SLIT2: variants seen among roughly 807,000 people sequenced by gnomAD.
SLIT2 encodes slit guidance ligand 2, also known as slit homolog 2 protein.
Under a neutral mutation model 185.7 loss-of-function variants are expected in SLIT2, and 41 were observed. The observed-to-expected ratio is 0.22, with a 90% CI of 0.17 to 0.29. SLIT2 has a LOEUF of 0.29. Among genes scored for constraint, SLIT2 ranks in the 10% least tolerant of loss-of-function variants. The pLI, the probability that SLIT2 is intolerant of heterozygous loss-of-function variation, is 1.00. For missense variants in SLIT2, 1,571 were observed against 1,909.0 expected, an observed-to-expected ratio of 0.82 and a Z score of 3.30; for synonymous variants, 693 against 680.2, an observed-to-expected ratio of 1.02 and a Z score of -0.29.
intron 8 of SLIT2, among the ~76,000 whole-genome samples, chr4:20,489,663 A>T (rs568156263): frequency 6.6e-6 from 1 of 152,220 alleles, no homozygotes; most frequent in African/African-American, 2.4e-5. Flanking sequence ...GCATGCCTGT[A>T]ATTCTAGCTA....
intron 11 of SLIT2, among the ~76,000 whole-genome samples, chr4:20,518,651 C>T (rs1287426845): frequency 2.2e-5 from 2 of 92,384 alleles, no homozygotes; most frequent in Non-Finnish European, 3.9e-5. Flanking sequence ...GTCGCCCAGG[C>T]TGGAGTGCAG....
chr4:20,506,726 T>C (rs1262169123), intron 9 of SLIT2, among the ~76,000 whole-genome samples: 1 of 152,030 alleles, frequency 6.6e-6, no homozygotes, highest in East Asian at 1.9e-4. Context: ...CACATTAGTT[T>C]ATTGTTTCTC....
At chr4:20,469,051 A>T (rs1266827987) in intron 5 of SLIT2, among the ~76,000 whole-genome samples, 1 of 152,164 alleles carries the variant, frequency 6.6e-6, no homozygotes, top group African/African-American at 2.4e-5. Context: ...CATTAAAACT[A>T]TGGCTGTAAG....
intron 29 of SLIT2, among the ~76,000 whole-genome samples, chr4:20,579,078 G>A (rs888206277): frequency 3.3e-5 from 5 of 151,900 alleles, no homozygotes; most frequent in African/African-American, 1.2e-4. Context: ...GGTGGATCAC[G>A]AGGTCAGGAG....
In SLIT2 at chr4:20,405,931, G is replaced by C. The variant is rs191199509; in HGVS notation, c.396-61821G>C. ...AATATTCACAAACATTACCTTGGCT[G>C]TTCTTGGTCTTCTTACAATTAGTAA... On this transcript the variant is annotated intron_variant, in intron 4 of 36. Coordinates refer to ENST00000504154, the MANE Select transcript of SLIT2 (RefSeq NM_004787.4). Among the ~76,000 whole-genome samples, 127 of 107,464 alleles carry C rather than the reference G, an allele frequency of 1.2e-3. 5 individuals are homozygous for C. Among genetic ancestry groups the C allele is most frequent in the African/African-American group, 3.1e-3 (118 of 38,450 alleles). The allele number at this position is 107,464 out of a possible 152,430, so 70.5% of individuals were successfully genotyped here. A position where few individuals can be genotyped will look rare whatever the true frequency, so the allele number is the denominator to read the frequency against.
Position 20,618,914 on chromosome 4 carries a change from C to A in SLIT2, c.4495C>A (p.Arg1499=). 3 of 1,614,034 alleles carry A rather than the reference C, an allele frequency of 1.9e-6. No homozygotes were observed. Among genetic ancestry groups the A allele is most frequent in the Non-Finnish European group, 2.5e-6 (3 of 1,180,010 alleles). ...GTGCTGTGGACCGCTGAGGAGCAAGCGGCGGAAATACTCTTTCGAATGCAC... is the reference window on the plus strand; with the variant it reads ...GTGCTGTGGACCGCTGAGGAGCAAGAGGCGGAAATACTCTTTCGAATGCAC... ...GQCCGPLRSK[R]RKYSFECTDG... Residue 1499 remains arginine, a synonymous_variant, in exon 37 of 37, where the codon CGG becomes AGG. Coordinates refer to ENST00000504154, the MANE Select transcript of SLIT2 (RefSeq NM_004787.4).
chr4:20,490,373 A>G (rs1717672446), intron 8 of SLIT2, among the ~76,000 whole-genome samples: 2 of 150,868 alleles, frequency 1.3e-5, no homozygotes, highest in Admixed American at 1.3e-4. Context: ...TTACATATAT[A>G]CACACACACG....
chr4:20,472,020 G>A (rs1200786785), intron 5 of SLIT2, among the ~76,000 whole-genome samples: 1 of 151,310 alleles, frequency 6.6e-6, no homozygotes, highest in Admixed American at 6.6e-5. Flanking sequence ...TGTGAGAATA[G>A]CAAGGTCATA....
intron 29 of SLIT2, among the ~76,000 whole-genome samples, chr4:20,576,809 A>G (rs781709701): frequency 9.8e-5 from 15 of 152,334 alleles, no homozygotes; most frequent in Middle Eastern, 3.4e-3. Flanking sequence ...AATTTAGCCT[A>G]AGCAAGTCTT....
chr4:20,269,008 G>A (rs765111996), intron 4 of SLIT2, 127 bp downstream of exon 4: 3 of 641,282 alleles, frequency 4.7e-6, no homozygotes, highest in Non-Finnish European at 8.4e-6. Context: ...TTAAAAGTTT[G>A]TGTTTTTTCT....
intron 4 of SLIT2, among the ~76,000 whole-genome samples, chr4:20,432,331 G>C (rs1226227909): frequency 6.6e-6 from 1 of 152,034 alleles, no homozygotes; most frequent in Non-Finnish European, 1.5e-5. Flanking sequence ...CGTTACGAAG[G>C]GATTTGAACA....
At chr4:20,295,684 A>G (rs1401098529) in intron 4 of SLIT2, among the ~76,000 whole-genome samples, 1 of 152,192 alleles carries the variant, frequency 6.6e-6, no homozygotes, top group Non-Finnish European at 1.5e-5. Context: ...GCAAACTCAT[A>G]GTATTTTCAG....
intron 4 of SLIT2, among the ~76,000 whole-genome samples, chr4:20,316,642 T>A (rs924366769): frequency 2.0e-5 from 3 of 151,466 alleles, no homozygotes; most frequent in Non-Finnish European, 4.4e-5. Context: ...TTATTATATT[T>A]ATATATAAAT....
intron 33 of SLIT2, among the ~76,000 whole-genome samples, chr4:20,608,193 A>G (rs1474679327): frequency 6.6e-6 from 1 of 152,094 alleles, no homozygotes; most frequent in Non-Finnish European, 1.5e-5. Flanking sequence ...ATAGTCCTCA[A>G]ATTAACCATG....
chr4:20,405,210 G>A (rs920088670), intron 4 of SLIT2, among the ~76,000 whole-genome samples: 14 of 150,428 alleles, frequency 9.3e-5, no homozygotes, highest in African/African-American at 3.5e-4. Flanking sequence ...TATATATATA[G>A]CATTAAATAA....
At chr4:20,488,336 C>G (rs927544108) in intron 7 of SLIT2, among the ~76,000 whole-genome samples, 1 of 152,102 alleles carries the variant, frequency 6.6e-6, no homozygotes, top group African/African-American at 2.4e-5. Flanking sequence ...ATTATTCTGT[C>G]TTGTTCAGCA....
intron 5 of SLIT2, 95 bp downstream of exon 5, chr4:20,467,918 A>AAACCCTGTG: frequency 1.6e-6 from 1 of 623,774 alleles, no homozygotes; most frequent in Non-Finnish European, 2.7e-6. Flanking sequence ...GAAATGGTGA[A>AAACCCTGTG]AACCCTGTGT....
chr4:20,561,317 A>C (rs2148905144), intron 26 of SLIT2, among the ~76,000 whole-genome samples: 1 of 151,984 alleles, frequency 6.6e-6, no homozygotes, highest in East Asian at 1.9e-4. Context: ...TTTATATGTT[A>C]GGAATCCTCT....
intron 36 of SLIT2, among the ~76,000 whole-genome samples, 165 bp from the exon 37 acceptor site, chr4:20,618,600 AAAG>A (rs1729858013): frequency 6.6e-6 from 1 of 152,216 alleles, no homozygotes; most frequent in Admixed American, 6.5e-5. Context: ...TAGAGACTAA[AAAG>A]AAGTATTTTT....
Sources: gnomAD v4.1 joint callset for allele counts (sites outside exome capture counted in the v4.1 genomes callset) on GRCh38, gnomAD v4.1.1 for gene constraint, MANE v1.5 for transcripts, NCBI Gene and HGNC (gene_info 2026-07-23, HGNC 2026-07-21) for gene names.